GABRG3: variants seen among roughly 807,000 people sequenced by gnomAD.
The protein encoded by GABRG3 is gamma-aminobutyric acid type A receptor subunit gamma3.
Under a neutral mutation model 48.8 loss-of-function variants are expected in GABRG3, and 25 were observed. The ratio of observed to expected loss-of-function variants is 0.51; its 90% CI spans 0.37 to 0.72. The LOEUF (loss-of-function observed/expected upper bound fraction) is 0.72. Among genes scored for constraint, GABRG3 ranks in the 30% least tolerant of loss-of-function variants. GABRG3 has a pLI of 0.00. For missense variants in GABRG3, 394 were observed against 577.9 expected, an observed-to-expected ratio of 0.68 and a Z score of 3.26; for synonymous variants, 227 against 217.6, an observed-to-expected ratio of 1.04 and a Z score of -0.38.
intron 3 of GABRG3, among the ~76,000 whole-genome samples, chr15:27,169,223 AT>A (rs1887482724): frequency 1.3e-5 from 2 of 152,208 alleles, no homozygotes; most frequent in South Asian, 4.1e-4. Context: ...AATTTATCTG[AT>A]TAGTAAAGGC....
chr15:27,345,304 A>C (rs1260913432), intron 5 of GABRG3, among the ~76,000 whole-genome samples: 1 of 152,144 alleles, frequency 6.6e-6, no homozygotes, highest in South Asian at 2.1e-4. Context: ...TTAATTGAGC[A>C]TTTTATGTGA....
At chr15:27,320,636 A>T (rs1893390824) in intron 3 of GABRG3, among the ~76,000 whole-genome samples, 1 of 152,182 alleles carries the variant, frequency 6.6e-6, no homozygotes, top group African/African-American at 2.4e-5. Context: ...CTCCTAAAAA[A>T]TAATGTTATT....
chr15:27,267,102 C>CTTTT (rs57772496), intron 3 of GABRG3, among the ~76,000 whole-genome samples: 2 of 112,854 alleles, frequency 1.8e-5, no homozygotes, highest in Non-Finnish European at 3.6e-5. Flanking sequence ...TAGTCTTTTA[C>CTTTT]TTTTTTTTTT....
At chr15:27,159,354 C>T (rs1346859305) in intron 3 of GABRG3, among the ~76,000 whole-genome samples, 1 of 151,920 alleles carries the variant, frequency 6.6e-6, no homozygotes, top group East Asian at 1.9e-4. Context: ...TGCTGGTGCG[C>T]ACCTGTAATC....
At chr15:27,364,366 C>G (rs1389618759) in intron 5 of GABRG3, 1 of 152,570 alleles carries the variant, frequency 6.6e-6, no homozygotes, top group Non-Finnish European at 1.5e-5. Context: ...CTCTACATGA[C>G]TCCGGGCTGG....
rs1176072684 is a variant in GABRG3 at position 27,308,394 on chromosome 15, TATA to T, written c.271-18411_271-18409del. Among the ~76,000 whole-genome samples the T allele has an allele frequency of 8.6e-5, 12 of 139,836 alleles. 1 individual carries two copies. Among genetic ancestry groups the T allele is most frequent in the African/African-American group, 2.8e-4 (10 of 35,900 alleles). 91.7% of individuals were successfully genotyped at this position (139,836 alleles called of 152,430 possible). ...ATAAACATTTGTTTATATATAAACATATAATATAAACATATATAAACATGTAAT... is the reference window on the plus strand; with the variant it reads ...ATAAACATTTGTTTATATATAAACATATATAAACATATATAAACATGTAAT... On this transcript the variant is annotated intron_variant, in intron 3 of 9. Transcript: ENST00000615808.
At chr15:27,120,123 G>C (rs1566940204) in intron 3 of GABRG3, among the ~76,000 whole-genome samples, 3 of 152,154 alleles carry the variant, frequency 2.0e-5, no homozygotes, top group Admixed American at 1.3e-4. Context: ...GGAAATGTCA[G>C]GAAATTTCAT....
chr15:27,138,442 G>A (rs1384181899), intron 3 of GABRG3, among the ~76,000 whole-genome samples: 2 of 152,092 alleles, frequency 1.3e-5, no homozygotes, highest in Non-Finnish European at 2.9e-5. Flanking sequence ...CTAAAAAATG[G>A]GCACTTTTTT....
intron 3 of GABRG3, among the ~76,000 whole-genome samples, chr15:27,185,957 A>G (rs1346306543): frequency 6.6e-6 from 1 of 151,784 alleles, no homozygotes; most frequent in African/African-American, 2.4e-5. Context: ...TTTCTTATAA[A>G]CAATATGCAG....
chr15:27,252,335 C>T (rs1169263898), intron 3 of GABRG3, among the ~76,000 whole-genome samples: 2 of 152,182 alleles, frequency 1.3e-5, no homozygotes, highest in Non-Finnish European at 2.9e-5. Flanking sequence ...TGCTCCCAGA[C>T]CCCAGGCTGG....
In GABRG3 at chr15:27,457,664, C is replaced by G. The variant is rs894299266; in HGVS notation, c.575-22986C>G. On this transcript the variant is annotated intron_variant, in intron 5 of 9. Transcript: ENST00000615808. The surrounding 1 kb of genome is among the most constrained non-coding windows in gnomAD (Gnocchi z 4.4). ...CGGGCTGCCTCCTTGGAGTCTGCAG[C>G]CTCACATCAGCCTAGACGCCTGGTC... Among the ~76,000 whole-genome samples the G allele has an allele frequency of 1.3e-5, 2 of 152,154 alleles. No homozygotes were observed. The highest frequency in any genetic ancestry group is 2.9e-5 in the Non-Finnish European group (2 of 68,034).
intron 3 of GABRG3, among the ~76,000 whole-genome samples, chr15:27,088,544 T>C (rs1595516867): frequency 1.3e-5 from 2 of 152,166 alleles, no homozygotes; most frequent in African/African-American, 4.8e-5. Flanking sequence ...GGGCAACTTT[T>C]GAAGAAAAGA....
chr15:27,459,417 G>A (rs138122551), intron 5 of GABRG3, among the ~76,000 whole-genome samples: 4 of 152,270 alleles, frequency 2.6e-5, no homozygotes, highest in African/African-American at 4.8e-5. Flanking sequence ...CTCTACCTCC[G>A]TAAAGGCAAA....
chr15:27,128,404 GAATT>G (rs945605765), intron 3 of GABRG3, among the ~76,000 whole-genome samples: 1 of 152,040 alleles, frequency 6.6e-6, no homozygotes, highest in African/African-American at 2.4e-5. Context: ...TCAGGTACCG[GAATT>G]ATTTAAAATA....
chr15:27,343,898 C>A (rs1222666455), intron 5 of GABRG3, among the ~76,000 whole-genome samples: 10 of 152,164 alleles, frequency 6.6e-5, no homozygotes, highest in Admixed American at 6.5e-4. Context: ...TTAAATGTGC[C>A]AGATGGACTG....
chr15:27,458,361 T>C (rs898719709), intron 5 of GABRG3, among the ~76,000 whole-genome samples: 2 of 152,218 alleles, frequency 1.3e-5, no homozygotes, highest in African/African-American at 4.8e-5. Context: ...TTAATAATAG[T>C]ACTTTTTGAC....
intron 5 of GABRG3, among the ~76,000 whole-genome samples, chr15:27,422,156 G>C (rs528242110): frequency 1.3e-5 from 2 of 151,888 alleles, no homozygotes; most frequent in East Asian, 3.9e-4. Context: ...ATATCCAGGG[G>C]AGTGGGCTGC....
intron 3 of GABRG3, among the ~76,000 whole-genome samples, chr15:27,155,910 A>G (rs777061056): frequency 6.6e-6 from 1 of 152,144 alleles, no homozygotes; most frequent in Non-Finnish European, 1.5e-5. Flanking sequence ...CAGTAAGGGT[A>G]GAATTCAGGG....
intron 5 of GABRG3, among the ~76,000 whole-genome samples, chr15:27,396,130 C>A (rs182038399): frequency 1.3e-5 from 2 of 152,322 alleles, no homozygotes; most frequent in Non-Finnish European, 2.9e-5. Flanking sequence ...TCCCAAAGTG[C>A]TGGGATTACA....
Sources: gnomAD v4.1 joint callset for allele counts (sites outside exome capture counted in the v4.1 genomes callset) on GRCh38, gnomAD v4.1.1 for gene constraint, Gnocchi (gnomAD v3.1) non-coding constraint, MANE v1.5 for transcripts, NCBI Gene and HGNC (gene_info 2026-07-23, HGNC 2026-07-21) for gene names.